Variants in LACC1 observed in about 807,000 individuals in gnomAD.
LACC1 encodes the protein purine nucleoside phosphorylase LACC1.
In LACC1, 25 loss-of-function variants were observed where a neutral mutation model predicts 34.8. That is an observed-to-expected ratio of 0.72 (90% CI 0.52 to 1.00). The LOEUF (loss-of-function observed/expected upper bound fraction) is 1.00, where lower values mean the gene tolerates loss of function less well. Ranked by LOEUF, LACC1 falls within the 50% of genes least tolerant of loss-of-function variation. The pLI, the probability that LACC1 is intolerant of heterozygous loss-of-function variation, is 0.00. For synonymous variants in LACC1, 162 were observed against 168.0 expected (o/e 0.96, Z 0.28); for missense variants, 426 against 511.2 (o/e 0.83, Z 1.61).
chr13:43,882,921 C>T (rs892701916), intron 3 of LACC1, among the ~76,000 whole-genome samples: 1 of 151,806 alleles, frequency 6.6e-6, no homozygotes, highest in East Asian at 2.0e-4. Context: ...AGGCCACAAC[C>T]CACCCTCGAC....
intron 4 of LACC1, among the ~76,000 whole-genome samples, chr13:43,885,630 A>G (rs1404107811): frequency 2.0e-5 from 3 of 152,214 alleles, no homozygotes; most frequent in African/African-American, 7.2e-5. Flanking sequence ...AGACTTAAAC[A>G]TATAGCCTAA....
At chr13:43,883,258 T>C (rs1354044474) in intron 3 of LACC1, among the ~76,000 whole-genome samples, 1 of 152,232 alleles carries the variant, frequency 6.6e-6, no homozygotes, top group Non-Finnish European at 1.5e-5. Context: ...ACCACTGCTC[T>C]TTTTGATTTA....
intron 5 of LACC1, chr13:43,889,895 G>A: frequency 2.2e-6 from 1 of 457,522 alleles, no homozygotes; most frequent in East Asian, 3.3e-5. Context: ...AATATGGAAG[G>A]TTGTACTGTG....
chr13:43,882,217 G>A lies in LACC1; in HGVS notation c.595G>A (p.Gly199Ser), dbSNP rs1351222995. ...CATACATGGATTTACTACAAGAACA[G>A]GTGGGATATCTTATATACCAACTCT... ...IFIHGFTTRT[G>S]GISYIPTLSS... Residue 199 changes from glycine (G) to serine (S), a missense_variant, in exon 3 of 7, where the codon GGT becomes AGT. Gly to Ser is a moderately conservative substitution (Grantham distance 56). This residue lies in a region of LACC1 where 209 missense variants were observed against 300.3 expected (regional missense o/e 0.70). Coordinates refer to ENST00000325686, the MANE Select transcript of LACC1 (RefSeq NM_153218.4). 6.2e-7 allele frequency: 1 copy of A among 1,609,062 alleles called. No individual in the cohort carries two copies. Among genetic ancestry groups the A allele is most frequent in the Admixed American group, 1.7e-5 (1 of 58,942 alleles).
In LACC1 at chr13:43,882,237, A is replaced by C. The variant is rs2138280523; in HGVS notation, c.615A>C (p.Pro205=). The C allele has an allele frequency of 6.2e-7, 1 of 1,612,912 alleles. No homozygotes were observed. The highest frequency in any genetic ancestry group is 2.2e-5 in the East Asian group (1 of 44,844). ...TTRTGGISYI[P]TLSSFNLFSS... is the part of the protein sequence containing the mutation. ...GAACAGGTGGGATATCTTATATACC[A>C]ACTCTTAGCTCATTCAATCTCTTCA... Residue 205 remains proline (P), a synonymous_variant, in exon 3 of 7, where the codon CCA becomes CCC. Coordinates refer to ENST00000325686, the MANE Select transcript of LACC1 (RefSeq NM_153218.4).
At chr13:43,887,007 C>T (rs888895263) in intron 4 of LACC1, among the ~76,000 whole-genome samples, 24 of 152,120 alleles carry the variant, frequency 1.6e-4, no homozygotes, top group African/African-American at 5.8e-4. Context: ...AAAGCCCTGA[C>T]AGTTTCTCTC....
At chr13:43,886,450 T>A (rs760717794) in intron 4 of LACC1, among the ~76,000 whole-genome samples, 2 of 152,142 alleles carry the variant, frequency 1.3e-5, no homozygotes, top group Non-Finnish European at 2.9e-5. Context: ...AATCATATCC[T>A]TACAGCAACA....
intron 6 of LACC1, 27 bp downstream of exon 6, chr13:43,890,301 C>T (rs772660155): frequency 1.8e-5 from 29 of 1,582,966 alleles, no homozygotes; most frequent in South Asian, 9.1e-5. Flanking sequence ...CTCCTCTCTC[C>T]GTTTTTCCTC....
intron 5 of LACC1, 74 bp from the exon 6 acceptor site, chr13:43,890,040 A>G (rs1955502638): frequency 7.6e-7 from 1 of 1,313,884 alleles, no homozygotes; most frequent in Non-Finnish European, 1.1e-6. Context: ...GCCAACATCC[A>G]TACTTTTTTT....
rs1376272976 is a variant in LACC1, at chr13:43,881,307, C to G, written c.322C>G (p.Pro108Ala). 6.2e-6 allele frequency: 10 copies of G among 1,613,904 alleles called. No homozygotes were observed. The highest frequency in any genetic ancestry group is 1.7e-5 in the Admixed American group (1 of 59,984). ...TCTGAGCAGCATTAAGGTAATTGTA[C>G]CCAGGCACAGGAAGACATTAATGAA... ...KNLSSIKVIV[P>A]RHRKTLMKAF... is the part of the protein sequence containing the mutation. Residue 108 changes from proline to alanine, a missense_variant, in exon 2 of 7, where the codon CCC (proline) becomes GCC (alanine). Coordinates refer to ENST00000325686, the MANE Select transcript of LACC1 (RefSeq NM_153218.4).
At position 43,881,497 on chromosome 13, in the gene LACC1, T is replaced by C; in HGVS notation, c.512T>C (p.Leu171Pro). The C allele has an allele frequency of 6.2e-7, 1 of 1,611,954 alleles. No individual in the cohort carries two copies. The highest frequency in any genetic ancestry group is 8.5e-7 in the Non-Finnish European group (1 of 1,179,556). The change falls in exon 2 of 7, where the codon CTG becomes CCG. Residue 171 changes from leucine to proline, a missense_variant. This residue lies in a region of LACC1 where 217 missense variants were observed against 210.9 expected (regional missense o/e 1.03). Coordinates refer to ENST00000325686, the MANE Select transcript of LACC1 (RefSeq NM_153218.4). ...QNEIETFLRS[L>P]PALRGKLTII... ...GAAATAGAAACATTTTTGAGAAGTCTGCCAGCACTGAGAGGAAAATTAACT... is the reference window on the plus strand; with the variant it reads ...GAAATAGAAACATTTTTGAGAAGTCCGCCAGCACTGAGAGGAAAATTAACT...
chr13:43,884,818 G>A (rs1157673156), intron 4 of LACC1, among the ~76,000 whole-genome samples: 1 of 152,090 alleles, frequency 6.6e-6, no homozygotes, highest in East Asian at 1.9e-4. Flanking sequence ...GATTGAATGA[G>A]TAGAAGTCAG....
chr13:43,882,922 C>T (rs1229488354), intron 3 of LACC1, among the ~76,000 whole-genome samples: 1 of 151,920 alleles, frequency 6.6e-6, no homozygotes, highest in Non-Finnish European at 1.5e-5. Context: ...GGCCACAACC[C>T]ACCCTCGACA....
chr13:43,893,362 A>G lies in LACC1; in HGVS notation c.*1915A>G, dbSNP rs1413716667. The G allele has an allele frequency of 6.6e-6, 1 of 152,006 alleles. No individual in the cohort carries two copies. Among genetic ancestry groups the G allele is most frequent in the Admixed American group, 6.5e-5 (1 of 15,270 alleles). 9.4% of individuals were successfully genotyped at this position (152,006 alleles called of 1,614,324 possible). A position where few individuals can be genotyped will look rare whatever the true frequency, so the allele number is the denominator to read the frequency against. On this transcript the variant is annotated 3_prime_UTR_variant, in exon 7 of 7. Coordinates refer to ENST00000325686, the MANE Select transcript of LACC1 (RefSeq NM_153218.4). Reference sequence around the variant, plus strand: ...ATTTGTGATGAATTAAGATTTGAACATATGTTTTGTGACTCCAGTTTTCCT... The same window carrying G: ...ATTTGTGATGAATTAAGATTTGAACGTATGTTTTGTGACTCCAGTTTTCCT...
chr13:43,884,023 C>A, intron 4 of LACC1, 87 bp downstream of exon 4: 2 of 1,070,820 alleles, frequency 1.9e-6, no homozygotes, highest in Non-Finnish European at 2.8e-6. Context: ...ACATGGCAAA[C>A]AGTTAATTAC....
chr13:43,879,884 T>A (rs1594878816), upstream of LACC1: 2 of 151,350 alleles, frequency 1.3e-5, no homozygotes, highest in South Asian at 4.2e-4. Flanking sequence ...CGACTCCAGC[T>A]GACCCGCTCG....
rs376202625 is a variant in LACC1, at chr13:43,880,309, G to A, written c.-35+190G>A. ...GGGGCAAAGGGCGTCACCAAAGGGG[G>A]TCACCGGAGCCCCGCAGGTTGGGGT... On this transcript the variant is annotated intron_variant, in intron 1 of 6. Transcript: ENST00000325686. 1.8e-3 allele frequency among the ~76,000 whole-genome samples: 264 copies of A among 146,084 alleles called. 11 individuals carry two copies. The South Asian group carries it at 0.05, about 27-fold the overall frequency.
At position 43,883,418 on chromosome 13, in the gene LACC1, AT is replaced by A. The variant is rs201964900; in HGVS notation, c.742-350del. ...TCTTGGAAAAGTAAAAGTATCATTG[AT>A]TTGTTAATTAACTTTCCTTTACAAG... On this transcript the variant is annotated intron_variant, in intron 3 of 6. Transcript: ENST00000325686. 1.1e-3 allele frequency among the ~76,000 whole-genome samples: 162 copies of A among 152,292 alleles called. 1 individual carries two copies. The East Asian group carries it at 0.028, about 26-fold the overall frequency.
chr13:43,881,604 C>A, intron 2 of LACC1, 57 bp downstream of exon 2: 1 of 1,298,124 alleles, frequency 7.7e-7, no homozygotes, highest in Non-Finnish European at 1.1e-6. Context: ...AGTCTTTCTT[C>A]AGAGGTAGTT....
Sources: gnomAD v4.1 joint callset for allele counts (sites outside exome capture counted in the v4.1 genomes callset) on GRCh38, gnomAD v4.1.1 for gene constraint, gnomAD v4.1.1 regional missense constraint, MANE v1.5 for transcripts, NCBI Gene and HGNC (gene_info 2026-07-23, HGNC 2026-07-21) for gene names.